The following ROBO2 variants were observed in gnomAD, a reference collection of about 807,000 sequenced individuals.
ROBO2 encodes the protein roundabout guidance receptor 2, also known as roundabout homolog 2.
ROBO2 carries 53 observed loss-of-function variants against 160.8 expected under a neutral mutation model. The ratio of observed to expected loss-of-function variants is 0.33; its 90% CI spans 0.26 to 0.41. The LOEUF (loss-of-function observed/expected upper bound fraction) is 0.41, where lower values mean the gene tolerates loss of function less well. Among genes scored for constraint, ROBO2 ranks in the 10% least tolerant of loss-of-function variants. ROBO2 has a pLI of 1.00. For missense variants in ROBO2, 1,577 were observed against 1,722.4 expected, an observed-to-expected ratio of 0.92 and a Z score of 1.49; for synonymous variants, 664 against 611.7, an observed-to-expected ratio of 1.09 and a Z score of -1.26.
At chr3:76,840,070 A>C (rs1484485310) in intron 2 of ROBO2, among the ~76,000 whole-genome samples, 1 of 151,434 alleles carries the variant, frequency 6.6e-6, no homozygotes, top group Non-Finnish European at 1.5e-5. Flanking sequence ...TATTTTATTT[A>C]GTCTGCCTAA....
Position 77,294,790 on chromosome 3 carries a change from C to G in ROBO2, c.389-182624C>G, listed in dbSNP as rs62251175. ...ACACAAAGTAAAATTGACGGTTAAACGGGTAAGCTGAGGCTAGATCACCCC... is the reference window on the plus strand; with the variant it reads ...ACACAAAGTAAAATTGACGGTTAAAGGGGTAAGCTGAGGCTAGATCACCCC... On this transcript the variant is annotated intron_variant, in intron 2 of 25. Transcript: ENST00000461745. Among the ~76,000 whole-genome samples, 306 of 149,334 alleles carry G rather than the reference C, an allele frequency of 2.0e-3. 2 individuals are homozygous for G. The highest frequency in any genetic ancestry group is 4.6e-3 in the South Asian group (22 of 4,740).
At chr3:76,621,857 C>CA (rs920139045) in intron 2 of ROBO2, among the ~76,000 whole-genome samples, 1 of 152,086 alleles carries the variant, frequency 6.6e-6, no homozygotes, top group African/African-American at 2.4e-5. Flanking sequence ...AAATGCCAAA[C>CA]AAAAATTTTA....
chr3:76,908,729 T>A (rs2075778403), intron 2 of ROBO2, among the ~76,000 whole-genome samples: 1 of 152,050 alleles, frequency 6.6e-6, no homozygotes, highest in African/African-American at 2.4e-5. Flanking sequence ...ACTAAGAAAG[T>A]TTTTACTTAG....
At chr3:77,603,193 C>T (rs2153693262) in intron 20 of ROBO2, 1 of 398,236 alleles carries the variant, frequency 2.5e-6, no homozygotes, top group South Asian at 1.8e-5. Flanking sequence ...ACAGTTTATG[C>T]TAATGAAATC....
rs143206574 is a variant in ROBO2 at position 76,840,940 on chromosome 3, G to T, written c.110-257074G>T. Among the ~76,000 whole-genome samples, 47 of 151,970 alleles carry T rather than the reference G, an allele frequency of 3.1e-4. No homozygotes were observed. In the East Asian group the frequency reaches 6.0e-3, roughly 19 times the overall value. Reference sequence around the variant, plus strand: ...GCTCCAAGATTCTAGGTCTTTGAGGGGAACATCTGATGGTCCAACTACAAG... The same window carrying T: ...GCTCCAAGATTCTAGGTCTTTGAGGTGAACATCTGATGGTCCAACTACAAG... On this transcript the variant is annotated intron_variant, in intron 2 of 26. Transcript: ENST00000487694.
At chr3:77,365,034 A>G (rs766734136) in intron 2 of ROBO2, among the ~76,000 whole-genome samples, 3 of 151,800 alleles carry the variant, frequency 2.0e-5, no homozygotes, top group Non-Finnish European at 2.9e-5. Context: ...AATCCTAGCT[A>G]CTCAGGAGGC....
At chr3:77,245,517 G>A (rs537619819) in intron 2 of ROBO2, among the ~76,000 whole-genome samples, 2 of 152,172 alleles carry the variant, frequency 1.3e-5, no homozygotes, top group African/African-American at 4.8e-5. Flanking sequence ...GTCTGGTTAC[G>A]TGAGAAACTT....
At chr3:77,620,657 C>A (rs1298072826) in intron 22 of ROBO2, among the ~76,000 whole-genome samples, 1 of 152,226 alleles carries the variant, frequency 6.6e-6, no homozygotes, top group East Asian at 1.9e-4. Flanking sequence ...GAGGTAGCTT[C>A]CAGAATTAGA....
intron 2 of ROBO2, among the ~76,000 whole-genome samples, chr3:76,034,855 C>G (rs2067051312): frequency 6.6e-6 from 1 of 152,108 alleles, no homozygotes. Context: ...ATCAAACTGC[C>G]TGTAATTTTC....
intron 2 of ROBO2, among the ~76,000 whole-genome samples, chr3:75,998,512 A>T (rs530749128): frequency 6.6e-6 from 1 of 152,322 alleles, no homozygotes; most frequent in Non-Finnish European, 1.5e-5. Flanking sequence ...CAGGGAACAC[A>T]TATTTCTGAG....
intron 2 of ROBO2, among the ~76,000 whole-genome samples, chr3:76,168,169 A>G (rs1041154741): frequency 6.6e-6 from 1 of 152,338 alleles, no homozygotes; most frequent in Admixed American, 6.5e-5. Context: ...CTGTTCCTGG[A>G]TAAGAAATTA....
intron 2 of ROBO2, among the ~76,000 whole-genome samples, chr3:77,197,396 A>G (rs1325971433): frequency 1.3e-5 from 2 of 152,254 alleles, no homozygotes; most frequent in Admixed American, 6.5e-5. Context: ...CATGAGGCAC[A>G]CTGCCAAAAA....
chr3:75,913,120 C>T (rs1267742286), intron 1 of ROBO2, among the ~76,000 whole-genome samples: 3 of 152,128 alleles, frequency 2.0e-5, no homozygotes, highest in Non-Finnish European at 2.9e-5. Context: ...TCTGGTGGCA[C>T]CTGTATTCAT....
intron 2 of ROBO2, among the ~76,000 whole-genome samples, chr3:76,699,362 G>A (rs2092999194): frequency 6.6e-6 from 1 of 152,078 alleles, no homozygotes; most frequent in African/African-American, 2.4e-5. Flanking sequence ...TTAGTTTAGG[G>A]GAAGGGAATT....
At chr3:77,542,468 T>G (rs183298605) in intron 6 of ROBO2, among the ~76,000 whole-genome samples, 2 of 152,324 alleles carry the variant, frequency 1.3e-5, no homozygotes, top group East Asian at 3.9e-4. Flanking sequence ...GTCTATTGAA[T>G]GCATTTGAAA....
rs540501144 is a variant in ROBO2 at position 76,685,860 on chromosome 3, C to T, written c.110-412154C>T. ...TTGTTTTATTTAAATGATTTAGATA[C>T]GCATGACTTTAATTAATTCATCTTC... On this transcript the variant is annotated intron_variant, in intron 2 of 26. Coordinates refer to the ROBO2 transcript ENST00000487694. Among the ~76,000 whole-genome samples, 106 of 152,186 alleles carry T rather than the reference C, an allele frequency of 7.0e-4. 1 individual carries two copies. Among genetic ancestry groups the T allele is most frequent in the Non-Finnish European group, 1.2e-3 (82 of 67,996 alleles).
In ROBO2 at chr3:77,477,539, G is replaced by T; in HGVS notation, c.514G>T (p.Val172Phe). The change falls in exon 3 of 26, where the codon GTT becomes TTT. Residue 172 changes from valine to phenylalanine, a missense_variant. Around this residue, in one of 2 missense-constraint regions of ROBO2, gnomAD observed 940 missense variants for 1,135.5 expected, o/e 0.83. Coordinates refer to ENST00000461745, the Ensembl canonical transcript of ROBO2. ...CACCATCTACTGGAAAAAAGACAAA[G>T]TTCGAATTGATGACAAGGAAGAAAG... is the stretch of plus-strand genomic sequence containing the variant. The T allele has an allele frequency of 1.2e-6, 2 of 1,614,072 alleles. No homozygotes were observed. The highest frequency in any genetic ancestry group is 1.7e-6 in the Non-Finnish European group (2 of 1,179,996).
At chr3:76,909,734 A>G (rs1364344212) in intron 2 of ROBO2, among the ~76,000 whole-genome samples, 10 of 152,214 alleles carry the variant, frequency 6.6e-5, no homozygotes, top group South Asian at 2.1e-4. Flanking sequence ...TCATAATTCT[A>G]GATTGTTAAA....
intron 2 of ROBO2, among the ~76,000 whole-genome samples, chr3:77,376,583 A>G (rs72899107): frequency 0.062 from 9,383 of 152,250 alleles, 949 homozygotes; most frequent in African/African-American, 0.21. Flanking sequence ...GCCCTTATAA[A>G]GTCACTTTCC....
Sources: gnomAD v4.1 joint callset for allele counts (sites outside exome capture counted in the v4.1 genomes callset) on GRCh38, gnomAD v4.1.1 for gene constraint, gnomAD v4.1.1 regional missense constraint, MANE v1.5 for transcripts, NCBI Gene and HGNC (gene_info 2026-07-23, HGNC 2026-07-21) for gene names.